The following TAFA2 variants were observed in gnomAD, a reference collection of about 807,000 sequenced individuals.
The protein encoded by TAFA2 is TAFA chemokine like family member 2.
Under a neutral mutation model 18.8 loss-of-function variants are expected in TAFA2, and 7 were observed. That is an observed-to-expected ratio of 0.37 (90% CI 0.21 to 0.70). The LOEUF (loss-of-function observed/expected upper bound fraction) is 0.70, where lower values mean the gene tolerates loss of function less well. Ranked by LOEUF, TAFA2 falls within the 30% of genes least tolerant of loss-of-function variation. The probability of loss-of-function intolerance (pLI) is 0.53; values close to 1 mark genes in which losing one functional copy is unlikely to be tolerated. For synonymous variants in TAFA2, 60 were observed against 54.2 expected, an observed-to-expected ratio of 1.11 and a Z score of -0.47; for missense variants, 122 against 158.1, an observed-to-expected ratio of 0.77 and a Z score of 1.23.
chr12:62,083,177 T>C (rs190693438), intron 1 of TAFA2, among the ~76,000 whole-genome samples: 71 of 151,842 alleles, frequency 4.7e-4, no homozygotes, highest in Admixed American at 6.6e-4. Flanking sequence ...GTTTTATTAA[T>C]AGGATTATGA....
chr12:62,083,745 A>G (rs2136823543), intron 1 of TAFA2, among the ~76,000 whole-genome samples: 1 of 152,324 alleles, frequency 6.6e-6, no homozygotes, highest in South Asian at 2.1e-4. Context: ...AGCAATGGCT[A>G]GCTAAATAGC....
chr12:61,712,930 T>G (rs1156603129), intron 4 of TAFA2, among the ~76,000 whole-genome samples: 1 of 152,164 alleles, frequency 6.6e-6, no homozygotes, highest in Non-Finnish European at 1.5e-5. Flanking sequence ...TAATGTTATT[T>G]AACACCTAGC....
intron 2 of TAFA2, among the ~76,000 whole-genome samples, chr12:61,838,658 A>G (rs1017261359): frequency 6.6e-6 from 1 of 152,160 alleles, no homozygotes; most frequent in East Asian, 1.9e-4. Flanking sequence ...ACAAACAAAC[A>G]AAGGCAACTC....
chr12:62,255,662 G>A (rs1393545799), intron 1 of TAFA2, among the ~76,000 whole-genome samples: 1 of 151,952 alleles, frequency 6.6e-6, no homozygotes, highest in Non-Finnish European at 1.5e-5. Context: ...AGACCAGCCT[G>A]GCCAACATGG....
chr12:62,201,364 G>A (rs1247923384), intron 1 of TAFA2, among the ~76,000 whole-genome samples: 1 of 152,168 alleles, frequency 6.6e-6, no homozygotes, highest in East Asian at 1.9e-4. Flanking sequence ...TATGACATTG[G>A]CTGTCAGTTT....
rs1051420839 is a variant in TAFA2 at position 62,072,219 on chromosome 12, C to T, written c.-2+119040G>A. 5.2e-4 allele frequency among the ~76,000 whole-genome samples: 79 copies of T among 152,096 alleles called. 1 individual carries two copies. Among genetic ancestry groups the T allele is most frequent in the African/African-American group, 1.5e-3 (62 of 41,486 alleles). On this transcript the variant is annotated intron_variant, in intron 1 of 4. Coordinates refer to ENST00000416284, the MANE Select transcript of TAFA2 (RefSeq NM_178539.5). Reference sequence around the variant, plus strand: ...GTGGCTCACGCCTGTAATCCCAGCACTTTGGAAGGCCGAGGCGGGCGGATC... The same window carrying T: ...GTGGCTCACGCCTGTAATCCCAGCATTTTGGAAGGCCGAGGCGGGCGGATC...
At chr12:61,827,537 T>C (rs1376870108) in intron 2 of TAFA2, among the ~76,000 whole-genome samples, 2 of 151,998 alleles carry the variant, frequency 1.3e-5, no homozygotes, top group Non-Finnish European at 2.9e-5. Context: ...TTTTGTAACA[T>C]TTAGTCTGGC....
chr12:62,199,259 G>T (rs1380302275), intron 1 of TAFA2, among the ~76,000 whole-genome samples: 4 of 152,100 alleles, frequency 2.6e-5, no homozygotes, highest in Non-Finnish European at 4.4e-5. Flanking sequence ...TTGTTACATA[G>T]GTAAACATGT....
intron 2 of TAFA2, among the ~76,000 whole-genome samples, chr12:61,829,179 A>G (rs554141032): frequency 1.3e-5 from 2 of 151,874 alleles, no homozygotes; most frequent in South Asian, 2.1e-4. Context: ...AGAATATAAG[A>G]AGGTAGATAT....
At chr12:61,934,415 G>A (rs1877682072) in intron 1 of TAFA2, among the ~76,000 whole-genome samples, 4 of 152,176 alleles carry the variant, frequency 2.6e-5, no homozygotes, top group Admixed American at 2.6e-4. Context: ...CACCAGTAAT[G>A]ACACAAATTA....
chr12:62,022,334 A>T (rs147627532), intron 1 of TAFA2, among the ~76,000 whole-genome samples: 1 of 152,282 alleles, frequency 6.6e-6, no homozygotes, highest in African/African-American at 2.4e-5. Context: ...TATATTTTAA[A>T]ATGGTGATCC....
intron 1 of TAFA2, among the ~76,000 whole-genome samples, chr12:62,075,642 T>C (rs1034524251): frequency 6.6e-6 from 1 of 152,212 alleles, no homozygotes; most frequent in African/African-American, 2.4e-5. Context: ...CAGCTTAGCC[T>C]ACCCAAAGTA....
chr12:61,917,743 G>A (rs1246963266), intron 1 of TAFA2, among the ~76,000 whole-genome samples: 1 of 152,162 alleles, frequency 6.6e-6, no homozygotes, highest in South Asian at 2.1e-4. Context: ...CCTGGGTAAA[G>A]GTCTACCAAA....
chr12:61,938,230 TA>T lies in TAFA2; in HGVS notation c.-1-70805del, dbSNP rs1157161976. 4.1e-3 allele frequency among the ~76,000 whole-genome samples: 404 copies of T among 98,446 alleles called. 1 individual carries two copies. Among genetic ancestry groups the T allele is most frequent in the Middle Eastern group, 6.8e-3 (1 of 148 alleles). 64.6% of individuals were successfully genotyped at this position (98,446 alleles called of 152,430 possible). On this transcript the variant is annotated intron_variant, in intron 1 of 4. Transcript: ENST00000416284. ...ACAACTTGTACCACAATAGATATGG[TA>T]AAAAAAAAAAAAAAAAAAAAGGGAA...
intron 1 of TAFA2, among the ~76,000 whole-genome samples, chr12:61,944,329 C>T (rs1407982191): frequency 1.3e-5 from 2 of 150,754 alleles, no homozygotes; most frequent in Non-Finnish European, 2.9e-5. Context: ...ATTTATAGCA[C>T]TAAATGCTCA....
chr12:61,821,021 CT>C (rs1213647991), intron 2 of TAFA2, among the ~76,000 whole-genome samples: 6 of 151,720 alleles, frequency 4.0e-5, no homozygotes, highest in Admixed American at 3.9e-4. Context: ...GGAGTGGAAG[CT>C]TTTTTTCTTG....
At chr12:61,813,350 C>G (rs1871951466) in intron 2 of TAFA2, among the ~76,000 whole-genome samples, 1 of 151,178 alleles carries the variant, frequency 6.6e-6, no homozygotes, top group Non-Finnish European at 1.5e-5. Flanking sequence ...CTTTTTCTTA[C>G]TTATTTTTTG....
At chr12:61,990,258 A>AT (rs2136687608) in intron 1 of TAFA2, among the ~76,000 whole-genome samples, 1 of 151,986 alleles carries the variant, frequency 6.6e-6, no homozygotes, top group East Asian at 1.9e-4. Context: ...AACTGTGACT[A>AT]TAACTATGGA....
chr12:62,093,538 C>A (rs1214297750), intron 1 of TAFA2, among the ~76,000 whole-genome samples: 1 of 151,978 alleles, frequency 6.6e-6, no homozygotes, highest in Non-Finnish European at 1.5e-5. Context: ...ATCAGCAAGA[C>A]CCCCTGGGGA....
Sources: allele counts gnomAD v4.1 joint callset (sites outside exome capture counted in the v4.1 genomes callset), GRCh38; gene constraint gnomAD v4.1.1; transcripts MANE v1.5; gene names NCBI Gene and HGNC (gene_info 2026-07-23, HGNC 2026-07-21).